GRIP1: variants seen among roughly 807,000 people sequenced by gnomAD.
GRIP1 encodes glutamate receptor-interacting protein 1.
Under a neutral mutation model 129.9 loss-of-function variants are expected in GRIP1, and 45 were observed. That is an observed-to-expected ratio of 0.35 (90% confidence interval 0.27 to 0.44). GRIP1 has a LOEUF of 0.44. GRIP1 is among the 20% of genes least tolerant of loss of function. GRIP1 has a pLI of 1.00. For missense variants in GRIP1, 1,196 were observed against 1,396.8 expected, an observed-to-expected ratio of 0.86 and a Z score of 2.29; for synonymous variants, 530 against 520.8, an observed-to-expected ratio of 1.02 and a Z score of -0.24.
chr12:66,763,613 A>G lies in GRIP1; in HGVS notation c.-420+40440T>C, dbSNP rs563151254. 4.6e-5 allele frequency among the ~76,000 whole-genome samples: 7 copies of G among 152,296 alleles called. No homozygotes were observed. In the South Asian group the frequency reaches 1.5e-3, roughly 32 times the overall value. On this transcript the variant is annotated intron_variant, in intron 1 of 4. Coordinates refer to the GRIP1 transcript ENST00000538373. ...TTGTACTGTGAGGACGATCACTGAA[A>G]AAAACATGACAACATAATAAAGCCA...
At position 66,676,890 on chromosome 12, in the gene GRIP1, T is replaced by C. The variant is rs75313868; in HGVS notation, c.55+1960A>G. Among the ~76,000 whole-genome samples, 944 of 152,234 alleles carry C rather than the reference T, an allele frequency of 6.2e-3. 6 individuals are homozygous for C. The highest frequency in any genetic ancestry group is 9.5e-3 in the Non-Finnish European group (645 of 68,008). On this transcript the variant is annotated intron_variant, in intron 1 of 24. Transcript: ENST00000359742. The stretch of plus-strand genomic sequence containing the variant: ...GGTGCTAGAACTCAATGAATCCACT[T>C]TGGAACAAGAAGCATGGGTGGAACT...
intron 1 of GRIP1, among the ~76,000 whole-genome samples, chr12:66,686,715 T>C (rs1410652007): frequency 6.6e-6 from 1 of 152,208 alleles, no homozygotes; most frequent in Non-Finnish European, 1.5e-5. Flanking sequence ...TTTCTTTTTG[T>C]GGCATAGGAA....
chr12:67,065,141 A>G (rs1037216921), intron 1 of GRIP1: 2 of 151,970 alleles, frequency 1.3e-5, no homozygotes, highest in African/African-American at 4.8e-5. Context: ...CTCTTTATTT[A>G]TATCTAAAGG....
chr12:66,548,855 A>G (rs2062032400), intron 2 of GRIP1, among the ~76,000 whole-genome samples: 1 of 152,180 alleles, frequency 6.6e-6, no homozygotes, highest in South Asian at 2.1e-4. Context: ...TTGAAATACC[A>G]CAGAAAAACT....
chr12:66,861,552 T>C (rs950110680), intron 1 of GRIP1, among the ~76,000 whole-genome samples: 2 of 152,134 alleles, frequency 1.3e-5, no homozygotes, highest in Admixed American at 6.6e-5. Flanking sequence ...CGCATATTGC[T>C]GTGGGGCTAA....
At chr12:67,064,921 A>G (rs1036804945) in intron 1 of GRIP1, 30 of 107,190 alleles carry the variant, frequency 2.8e-4, no homozygotes, top group African/African-American at 1.0e-3. Context: ...CCCCACAACA[A>G]TCCCCAGAGT....
At chr12:66,394,431 A>C in intron 16 of GRIP1, 79 bp from the exon 17 acceptor site, 2 of 1,190,356 alleles carry the variant, frequency 1.7e-6, no homozygotes, top group Non-Finnish European at 2.5e-6. Context: ...CATACATAAA[A>C]GAATTCAAAA....
chr12:66,825,618 C>T (rs2039396820), intron 1 of GRIP1, among the ~76,000 whole-genome samples: 1 of 152,160 alleles, frequency 6.6e-6, no homozygotes, highest in South Asian at 2.1e-4. Flanking sequence ...ACCTTCATCC[C>T]TAGCTGCTTC....
intron 1 of GRIP1, among the ~76,000 whole-genome samples, chr12:66,643,275 T>C (rs967653148): frequency 1.3e-5 from 2 of 152,204 alleles, no homozygotes; most frequent in African/African-American, 4.8e-5. Context: ...CCTAAGGAAA[T>C]AACTAGACAG....
intron 2 of GRIP1, among the ~76,000 whole-genome samples, chr12:66,591,716 A>AT (rs1449339719): frequency 6.6e-6 from 1 of 151,944 alleles, no homozygotes; most frequent in East Asian, 1.9e-4. Context: ...TGCAGCCTTG[A>AT]TTTCCTGGGC....
At chr12:66,530,146 C>G (rs1331838161) in intron 4 of GRIP1, among the ~76,000 whole-genome samples, 2 of 152,116 alleles carry the variant, frequency 1.3e-5, no homozygotes, top group Non-Finnish European at 2.9e-5. Flanking sequence ...AAAATCATAG[C>G]TAGCTCATTT....
rs750922729 is a variant in GRIP1, at chr12:66,445,445, A to G, written c.1418T>C (p.Val473Ala). Reference protein sequence around the residue: ...GQVVHTETTEVVLTADPVTGF... With the variant: ...GQVVHTETTEAVLTADPVTGF... Reference sequence around the variant, plus strand: ...TGTGACAGGATCTGCCGTCAGCACAACCTCTGTGGTTTCTGTGTGAACAAC... The same window carrying G: ...TGTGACAGGATCTGCCGTCAGCACAGCCTCTGTGGTTTCTGTGTGAACAAC... The change falls in exon 12 of 25, where the codon GTT becomes GCT. Residue 473 changes from valine (V) to alanine (A), a missense_variant. Physicochemically the swap from Val to Ala is moderately conservative, Grantham distance 64. Around this residue, in one of 5 missense-constraint regions of GRIP1, gnomAD observed 508 missense variants for 587.0 expected, o/e 0.87. Coordinates refer to ENST00000359742, the MANE Select transcript of GRIP1 (RefSeq NM_001366722.1). 1.2e-6 allele frequency: 2 copies of G among 1,613,988 alleles called. No homozygotes were observed. Among genetic ancestry groups the G allele is most frequent in the Non-Finnish European group, 8.5e-7 (1 of 1,179,904 alleles).
chr12:66,348,814 T>C lies in GRIP1; in HGVS notation c.*205A>G. 1 of 603,336 alleles carries C rather than the reference T, an allele frequency of 1.7e-6. No homozygotes were observed. Among genetic ancestry groups the C allele is most frequent in the Non-Finnish European group, 3.0e-6 (1 of 338,726 alleles). The allele number at this position is 603,336 out of a possible 1,614,324, so 37.4% of individuals were successfully genotyped here. ...GGGACTGGCAGGGCATTGCCCACCA[T>C]ATACCATAGTGGTCACCAAAAAAGA... On this transcript the variant is annotated 3_prime_UTR_variant, in exon 25 of 25. Transcript: ENST00000359742.
intron 1 of GRIP1, among the ~76,000 whole-genome samples, chr12:66,954,071 C>CA (rs752862085): frequency 5.3e-5 from 8 of 152,224 alleles, no homozygotes; most frequent in Non-Finnish European, 1.2e-4. Context: ...ATTTCTCCTA[C>CA]TGGGTTTCAA....
At chr12:66,894,287 T>A (rs754901022) in intron 1 of GRIP1, among the ~76,000 whole-genome samples, 3 of 152,118 alleles carry the variant, frequency 2.0e-5, no homozygotes, top group Non-Finnish European at 4.4e-5. Context: ...TTCTTCAGTT[T>A]CCTATCAGTT....
At chr12:66,578,728 C>T (rs539298177) in intron 2 of GRIP1, among the ~76,000 whole-genome samples, 1 of 152,336 alleles carries the variant, frequency 6.6e-6, no homozygotes, top group African/African-American at 2.4e-5. Flanking sequence ...ATTGCCCAGG[C>T]TTGCTTAGGT....
chr12:66,677,219 A>G (rs769310074), intron 1 of GRIP1, among the ~76,000 whole-genome samples: 9 of 152,198 alleles, frequency 5.9e-5, no homozygotes, highest in Non-Finnish European at 1.0e-4. Context: ...TCTCCTTTCA[A>G]TGCAGGAGAT....
chr12:66,914,273 G>A (rs2041082163), intron 1 of GRIP1, among the ~76,000 whole-genome samples: 1 of 152,044 alleles, frequency 6.6e-6, no homozygotes, highest in Non-Finnish European at 1.5e-5. Context: ...ATTCTTCTAG[G>A]TTTGCTACCT....
rs144011624 is a variant in GRIP1 at position 67,067,902 on chromosome 12, C to G, written c.58+1148G>C. Among the ~76,000 whole-genome samples the G allele has an allele frequency of 5.5e-3, 838 of 152,354 alleles. 3 individuals are homozygous for G. The highest frequency in any genetic ancestry group is 0.019 in the African/African-American group (792 of 41,584). ...ACCTACCCACGCTGCGCCGCTTAAC[C>G]TCAGCACCGGCTGTTTCCCACAGCC... On this transcript the variant is annotated intron_variant, in intron 1 of 1. Transcript: ENST00000643019.
Sources: allele counts gnomAD v4.1 joint callset (sites outside exome capture counted in the v4.1 genomes callset), GRCh38; gene constraint gnomAD v4.1.1; regional missense constraint gnomAD v4.1.1; transcripts MANE v1.5; gene names NCBI Gene and HGNC (gene_info 2026-07-23, HGNC 2026-07-21).